The following PSMA2 variants were observed in gnomAD, a reference collection of about 807,000 sequenced individuals.
The protein encoded by PSMA2 is proteasome subunit alpha type-2.
Under a neutral mutation model 35.9 loss-of-function variants are expected in PSMA2, and 2 were observed. The observed-to-expected ratio is 0.06, with a 90% confidence interval of 0.02 to 0.18. PSMA2 has a LOEUF of 0.18. PSMA2 is among the 10% of genes least tolerant of loss of function. The pLI is 1.00. For synonymous variants in PSMA2, 97 were observed against 98.2 expected, an observed-to-expected ratio of 0.99 and a Z score of 0.07; for missense variants, 126 against 278.8, an observed-to-expected ratio of 0.45 and a Z score of 3.90.
rs111361153 is a variant in PSMA2, at chr7:42,926,394, C to T, written c.251+142G>A. 316 of 960,856 alleles carry T rather than the reference C, an allele frequency of 3.3e-4. No individual in the cohort carries two copies. In the African/African-American group the frequency reaches 4.4e-3, roughly 13 times the overall value. The allele number at this position is 960,856 out of a possible 1,614,324, so 59.5% of individuals were successfully genotyped here. On this transcript the variant is annotated intron_variant, in intron 3 of 7. Coordinates refer to ENST00000223321, the MANE Select transcript of PSMA2 (RefSeq NM_002787.5). ...CAGGCAAACTAAATTCAGCTCTCAA[C>T]GAGGCTGCTATTGCTAAACAAAGCA... is the stretch of plus-strand genomic sequence containing the variant.
At chr7:42,924,240 C>G (rs1786170784) in intron 4 of PSMA2, among the ~76,000 whole-genome samples, 1 of 149,560 alleles carries the variant, frequency 6.7e-6, no homozygotes, top group Non-Finnish European at 1.5e-5. Context: ...GCCTGTGGTG[C>G]CAGCTACTCA....
intron 4 of PSMA2, among the ~76,000 whole-genome samples, chr7:42,923,689 A>G (rs1414890672): frequency 6.6e-6 from 1 of 152,246 alleles, no homozygotes; most frequent in African/African-American, 2.4e-5. Context: ...TCCTAATAAA[A>G]TGACAACTTT....
At chr7:42,931,158 G>A in intron 1 of PSMA2, 1 of 455,300 alleles carries the variant, frequency 2.2e-6, no homozygotes, top group South Asian at 1.6e-5. Context: ...GTAAGAAGCT[G>A]AGATAACATT....
chr7:42,928,964 C>G (rs1260413349), intron 1 of PSMA2, among the ~76,000 whole-genome samples: 1 of 152,128 alleles, frequency 6.6e-6, no homozygotes, highest in Non-Finnish European at 1.5e-5. Flanking sequence ...GTCTAAGATT[C>G]ATCATATCTG....
At chr7:42,929,178 C>T (rs1459449532) in intron 1 of PSMA2, among the ~76,000 whole-genome samples, 1 of 152,128 alleles carries the variant, frequency 6.6e-6, no homozygotes, top group Admixed American at 6.6e-5. Context: ...CTGACAGAGA[C>T]ACATCTAGAC....
rs192768125 is a variant in PSMA2 at position 42,919,116 on chromosome 7, G to T, written c.531-1281C>A. The T allele has an allele frequency of 8.1e-4, 351 of 435,658 alleles. 1 individual carries two copies. The highest frequency in any genetic ancestry group is 6.2e-3 in the African/African-American group (309 of 49,624). The allele number at this position is 435,658 out of a possible 1,614,324, so 27.0% of individuals were successfully genotyped here. On this transcript the variant is annotated intron_variant, in intron 6 of 7. Coordinates refer to ENST00000223321, the MANE Select transcript of PSMA2 (RefSeq NM_002787.5). ...TGGGATTACAGGCGTGAGCCACTGC[G>T]CCTGGCCAGTCTTATGAGTATTTCT...
intron 1 of PSMA2, among the ~76,000 whole-genome samples, chr7:42,930,257 T>A (rs2128675093): frequency 6.6e-6 from 1 of 151,806 alleles, no homozygotes; most frequent in East Asian, 1.9e-4. Flanking sequence ...ACAAGTTTGG[T>A]TTTTTTAAAA....
intron 2 of PSMA2, 100 bp from the exon 3 acceptor site, chr7:42,926,768 C>A: frequency 7.8e-7 from 1 of 1,278,476 alleles, no homozygotes; most frequent in East Asian, 2.7e-5. Flanking sequence ...CCTTTATTTC[C>A]TTTAATTTAT....
chr7:42,927,479 T>C lies in PSMA2; in HGVS notation c.42-20A>G, dbSNP rs746994770. On this transcript the variant is annotated intron_variant, in intron 1 of 7. Coordinates refer to ENST00000223321, the MANE Select transcript of PSMA2 (RefSeq NM_002787.5). ...GACGGGCTTAAAAGAAACACAGGTATTTGTAAGTTCACATATCATCAAATA... is the reference window on the plus strand; with the variant it reads ...GACGGGCTTAAAAGAAACACAGGTACTTGTAAGTTCACATATCATCAAATA... 6.9e-6 allele frequency: 11 copies of C among 1,604,728 alleles called. No homozygotes were observed. Among genetic ancestry groups the C allele is most frequent in the East Asian group, 2.2e-5 (1 of 44,860 alleles).
chr7:42,917,577 T>G lies in PSMA2; in HGVS notation c.702A>C (p.Ala234=). The G allele has an allele frequency of 6.2e-7, 1 of 1,609,434 alleles. No individual in the cohort carries two copies. The highest frequency in any genetic ancestry group is 8.5e-7 in the Non-Finnish European group (1 of 1,177,330). The change falls in exon 8 of 8, where the codon GCA becomes GCC. Residue 234 remains alanine, a synonymous_variant. Transcript: ENST00000223321. The stretch of plus-strand genomic sequence containing the variant: ...GGATTTTTCAGTCACTTCATTGTTA[T>G]GCTATGGCAGCCAAGTAATCCTTAA... The part of the protein sequence containing the change: ...TEVKDYLAAI[A]
chr7:42,925,129 GCA>G (rs1786187549), intron 3 of PSMA2, among the ~76,000 whole-genome samples: 1 of 114,008 alleles, frequency 8.8e-6, no homozygotes, highest in Non-Finnish European at 1.9e-5. Flanking sequence ...ACACACACAA[GCA>G]CACATAAACA....
At chr7:42,928,384 G>A (rs886248445) in intron 1 of PSMA2, among the ~76,000 whole-genome samples, 6 of 152,310 alleles carry the variant, frequency 3.9e-5, no homozygotes, top group African/African-American at 1.4e-4. Flanking sequence ...TTAGAAAACA[G>A]ACATGGCCTA....
chr7:42,922,800 C>T (rs1035809918), intron 5 of PSMA2, among the ~76,000 whole-genome samples: 2 of 152,160 alleles, frequency 1.3e-5, no homozygotes, highest in African/African-American at 4.8e-5. Flanking sequence ...GCAAATGGGA[C>T]AGATGTGGAG....
intron 1 of PSMA2, among the ~76,000 whole-genome samples, chr7:42,929,321 AATCAT>A (rs1416969364): frequency 1.1e-4 from 17 of 152,226 alleles, no homozygotes; most frequent in African/African-American, 4.1e-4. Context: ...CTATTTCAAT[AATCAT>A]ATCATAACTT....
At chr7:42,919,229 C>T (rs1786086204) in intron 6 of PSMA2, 3 of 614,884 alleles carry the variant, frequency 4.9e-6, no homozygotes, top group Non-Finnish European at 9.5e-6. Context: ...CATAAAGATG[C>T]TGTCTGGAAT....
intron 4 of PSMA2, among the ~76,000 whole-genome samples, chr7:42,923,922 C>T (rs187885436): frequency 1.7e-4 from 26 of 152,232 alleles, no homozygotes; most frequent in Admixed American, 1.6e-3. Flanking sequence ...GCAGCTTTTC[C>T]ACTAGGTTTA....
chr7:42,923,571 C>T (rs1441184237), intron 4 of PSMA2, among the ~76,000 whole-genome samples, 165 bp from the exon 5 acceptor site: 1 of 152,166 alleles, frequency 6.6e-6, no homozygotes, highest in Non-Finnish European at 1.5e-5. Flanking sequence ...CAATTCAAAA[C>T]TAATTCTCTT....
chr7:42,927,520 T>C, intron 1 of PSMA2, 61 bp from the exon 2 acceptor site: 1 of 1,497,214 alleles, frequency 6.7e-7, no homozygotes, highest in Admixed American at 1.7e-5. Context: ...TGTAAGAACA[T>C]CTCTGAGATA....
chr7:42,926,373 C>A (rs1186522036), intron 3 of PSMA2, among the ~76,000 whole-genome samples, 163 bp downstream of exon 3: 1 of 152,138 alleles, frequency 6.6e-6, no homozygotes, highest in Admixed American at 6.6e-5. Context: ...CCTATACAGG[C>A]AAACTAAATT....
Sources: allele counts gnomAD v4.1 joint callset (sites outside exome capture counted in the v4.1 genomes callset), GRCh38; gene constraint gnomAD v4.1.1; transcripts MANE v1.5; gene names NCBI Gene and HGNC (gene_info 2026-07-23, HGNC 2026-07-21).